ATP8A2: variants seen among roughly 807,000 people sequenced by gnomAD.
ATP8A2 encodes the protein phospholipid-transporting ATPase IB.
In ATP8A2, 100 loss-of-function variants were observed where a neutral mutation model predicts 165.6. That is an observed-to-expected ratio of 0.60 (90% CI 0.51 to 0.71). The LOEUF (loss-of-function observed/expected upper bound fraction) is 0.71. Ranked by LOEUF, ATP8A2 falls within the 30% of genes least tolerant of loss-of-function variation. The probability of loss-of-function intolerance (pLI) is 0.00; values close to 1 mark genes in which losing one functional copy is unlikely to be tolerated. For missense variants in ATP8A2, 1,227 were observed against 1,479.5 expected (o/e 0.83, Z 2.80); for synonymous variants, 543 against 548.8 (o/e 0.99, Z 0.15).
At chr13:25,580,899 A>G (rs916997782) in intron 22 of ATP8A2, among the ~76,000 whole-genome samples, 4 of 152,120 alleles carry the variant, frequency 2.6e-5, no homozygotes, top group Non-Finnish European at 5.9e-5. Context: ...TTGTTGGTTT[A>G]AAAAAATTCT....
At chr13:25,471,717 C>T (rs796147050) in intron 2 of ATP8A2, among the ~76,000 whole-genome samples, 3 of 152,174 alleles carry the variant, frequency 2.0e-5, no homozygotes, top group South Asian at 2.1e-4. Context: ...GAAAGCTGAC[C>T]CAGACTGATT....
intron 35 of ATP8A2, among the ~76,000 whole-genome samples, chr13:25,984,948 C>T (rs970965950): frequency 2.6e-5 from 4 of 152,340 alleles, no homozygotes; most frequent in African/African-American, 9.6e-5. Flanking sequence ...CACTCTAGAA[C>T]AACTTACATT....
intron 36 of ATP8A2, among the ~76,000 whole-genome samples, chr13:26,013,792 AT>A (rs1166138724): frequency 6.6e-6 from 1 of 152,220 alleles, no homozygotes; most frequent in Non-Finnish European, 1.5e-5. Flanking sequence ...GTCAACAGGT[AT>A]TTGCAGACTT....
At chr13:25,822,348 C>G (rs899696411) in intron 27 of ATP8A2, among the ~76,000 whole-genome samples, 9 of 152,108 alleles carry the variant, frequency 5.9e-5, no homozygotes, top group African/African-American at 2.2e-4. Context: ...GAGTATGTCC[C>G]TACAGGTGGA....
intron 25 of ATP8A2, among the ~76,000 whole-genome samples, chr13:25,752,413 A>T (rs1223805039): frequency 6.6e-6 from 1 of 152,100 alleles, no homozygotes; most frequent in East Asian, 1.9e-4. Flanking sequence ...AGCCGAGATC[A>T]TACTCTTGCA....
At chr13:25,506,318 A>T (rs1170787686) in intron 2 of ATP8A2, among the ~76,000 whole-genome samples, 1 of 152,176 alleles carries the variant, frequency 6.6e-6, no homozygotes, top group East Asian at 1.9e-4. Flanking sequence ...TGCCTCAGAC[A>T]CAAACCATTA....
At chr13:25,767,487 A>G (rs2044515895) in intron 25 of ATP8A2, among the ~76,000 whole-genome samples, 2 of 152,250 alleles carry the variant, frequency 1.3e-5, no homozygotes, top group South Asian at 4.1e-4. Flanking sequence ...AGCAAGCAGC[A>G]ACAGAGCTTT....
chr13:25,560,353 T>C (rs1292946801), intron 15 of ATP8A2, among the ~76,000 whole-genome samples: 3 of 152,112 alleles, frequency 2.0e-5, no homozygotes, highest in Non-Finnish European at 2.9e-5. Context: ...CTTTTGCTTT[T>C]TAAAAAATTT....
chr13:25,603,247 G>A (rs2040433508), intron 24 of ATP8A2, among the ~76,000 whole-genome samples: 1 of 152,082 alleles, frequency 6.6e-6, no homozygotes, highest in African/African-American at 2.4e-5. Context: ...CAGCAGTTTG[G>A]GAGGCCAGAG....
At chr13:25,908,358 C>G (rs1954007971) in intron 33 of ATP8A2, among the ~76,000 whole-genome samples, 1 of 152,192 alleles carries the variant, frequency 6.6e-6, no homozygotes, top group African/African-American at 2.4e-5. Context: ...TCTTGTCCAG[C>G]TGGGATTACA....
chr13:25,427,403 T>A (rs1313602167), intron 1 of ATP8A2, among the ~76,000 whole-genome samples: 1 of 152,100 alleles, frequency 6.6e-6, no homozygotes, highest in Non-Finnish European at 1.5e-5. Flanking sequence ...ATTAATTCAT[T>A]ATATATCACA....
At chr13:25,702,350 T>C (rs1435131973) in intron 25 of ATP8A2, among the ~76,000 whole-genome samples, 1 of 152,114 alleles carries the variant, frequency 6.6e-6, no homozygotes, top group Non-Finnish European at 1.5e-5. Flanking sequence ...CAAGAATTTA[T>C]TAAATATTTT....
chr13:25,970,729 C>T (rs1955893176), intron 35 of ATP8A2, among the ~76,000 whole-genome samples: 1 of 152,206 alleles, frequency 6.6e-6, no homozygotes, highest in South Asian at 2.1e-4. Flanking sequence ...TGCTCATCTT[C>T]ACTTTGGCAG....
At chr13:25,561,299 T>G (rs1310380156) in intron 15 of ATP8A2, among the ~76,000 whole-genome samples, 1 of 152,166 alleles carries the variant, frequency 6.6e-6, no homozygotes, top group African/African-American at 2.4e-5. Context: ...CTGCATCTCT[T>G]GATAGTCAGA....
At chr13:25,578,555 A>G (rs557472531) in intron 20 of ATP8A2, among the ~76,000 whole-genome samples, 12 of 152,206 alleles carry the variant, frequency 7.9e-5, no homozygotes, top group Non-Finnish European at 1.2e-4. Flanking sequence ...ATGTATTCCA[A>G]TGATTCTCCT....
At chr13:25,883,150 A>G (rs1050821774) in intron 33 of ATP8A2, among the ~76,000 whole-genome samples, 7 of 152,096 alleles carry the variant, frequency 4.6e-5, no homozygotes, top group African/African-American at 1.7e-4. Flanking sequence ...AGGGCTTCTA[A>G]CAGCAGCCAT....
At position 25,870,312 on chromosome 13, in the gene ATP8A2, A is replaced by G. The variant is rs552416243; in HGVS notation, c.3183+7904A>G. Among the ~76,000 whole-genome samples the G allele has an allele frequency of 3.6e-3, 552 of 152,184 alleles. 5 individuals are homozygous for G. The highest frequency in any genetic ancestry group is 0.012 in the African/African-American group (517 of 41,514). ...TATAGGCACAGGATAGGGGCGTGGC[A>G]GGTCAGGGTGGTTTTGGGAAATGCA... On this transcript the variant is annotated intron_variant, in intron 33 of 36. Coordinates refer to ENST00000381655, the MANE Select transcript of ATP8A2 (RefSeq NM_016529.6).
intron 27 of ATP8A2, among the ~76,000 whole-genome samples, chr13:25,792,537 AT>A (rs777132359): frequency 2.0e-5 from 3 of 152,266 alleles, no homozygotes; most frequent in East Asian, 1.9e-4. Flanking sequence ...CACTTTCCTG[AT>A]TGCTTTGAAA....
intron 1 of ATP8A2, among the ~76,000 whole-genome samples, chr13:25,415,652 G>A (rs773499708): frequency 3.3e-5 from 5 of 152,000 alleles, no homozygotes; most frequent in East Asian, 1.9e-4. Context: ...TTGCACACGC[G>A]CACACTGGCT....
Sources: gnomAD v4.1 joint callset for allele counts (sites outside exome capture counted in the v4.1 genomes callset) on GRCh38, gnomAD v4.1.1 for gene constraint, MANE v1.5 for transcripts, NCBI Gene and HGNC (gene_info 2026-07-23, HGNC 2026-07-21) for gene names.